The following ATP6V0E2 variants were observed in gnomAD, a reference collection of about 807,000 sequenced individuals.
The protein encoded by ATP6V0E2 is ATPase H+ transporting V0 subunit e2, also known as V-type proton ATPase subunit e 2.
Under a neutral mutation model 11.5 loss-of-function variants are expected in ATP6V0E2, and 4 were observed. That is an observed-to-expected ratio of 0.35 (90% confidence interval 0.17 to 0.80). ATP6V0E2 has a LOEUF of 0.80. ATP6V0E2 is among the 30% of genes least tolerant of loss of function. ATP6V0E2 has a pLI of 0.53. For synonymous variants in ATP6V0E2, 52 were observed against 51.0 expected, an observed-to-expected ratio of 1.02 and a Z score of -0.09; for missense variants, 93 against 113.5, an observed-to-expected ratio of 0.82 and a Z score of 0.82.
At chr7:149,879,123 A>G in intron 3 of ATP6V0E2, 2 of 1,398,404 alleles carry the variant, frequency 1.4e-6, no homozygotes, top group Non-Finnish European at 1.8e-6. Context: ...CAGGGATGAA[A>G]TGGGAACCAT....
Position 149,875,652 on chromosome 7 carries a change from A to G in ATP6V0E2, c.152+7A>G. ...CCGTCTGCTGTTACCTCTTGTAAGT[A>G]CTACTCTCCCCAGCTCAAAGTCAGC... On this transcript the variant is annotated splice_region_variant and intron_variant, in intron 2 of 3. Transcript: ENST00000425642. The G allele has an allele frequency of 1.3e-5, 21 of 1,613,190 alleles. No homozygotes were observed. Among genetic ancestry groups the G allele is most frequent in the Non-Finnish European group, 1.7e-5 (20 of 1,179,480 alleles).
In ATP6V0E2 at chr7:149,879,505, C is replaced by T. The variant is rs924318420; in HGVS notation, c.*190C>T. 13 of 1,590,684 alleles carry T rather than the reference C, an allele frequency of 8.2e-6. No individual in the cohort carries two copies. The highest frequency in any genetic ancestry group is 1.1e-5 in the South Asian group (1 of 87,136). On this transcript the variant is annotated 3_prime_UTR_variant, in exon 4 of 4. Transcript: ENST00000425642. ...AAGTCTTCCCAGTCTTCCCAGCCAG[C>T]CCGGGCCCTGGGGAGCCCTGGGCAC...
intron 2 of ATP6V0E2, chr7:149,875,906 A>G (rs1212921454): frequency 7.5e-6 from 5 of 666,180 alleles, no homozygotes; most frequent in Non-Finnish European, 1.4e-5. Context: ...TGGGCAAGGA[A>G]GGAGGCAGGC....
At chr7:149,878,842 T>G in intron 3 of ATP6V0E2, 52 bp downstream of exon 3, 1 of 965,952 alleles carries the variant, frequency 1.0e-6, no homozygotes. Context: ...GACAAGGCTT[T>G]CCCACACCCA....
intron 2 of ATP6V0E2, among the ~76,000 whole-genome samples, chr7:149,877,646 G>A (rs1397633358): frequency 6.7e-6 from 1 of 148,396 alleles, no homozygotes; most frequent in African/African-American, 2.5e-5. Context: ...GTCCTTCAGG[G>A]CTTGAGAAAA....
At chr7:149,875,995 C>A in intron 2 of ATP6V0E2, 1 of 511,976 alleles carries the variant, frequency 2.0e-6, no homozygotes, top group Non-Finnish European at 3.8e-6. Flanking sequence ...ACCCTACACC[C>A]ATGAAATTAC....
chr7:149,873,774 C>G, upstream of ATP6V0E2: 1 of 1,166,892 alleles, frequency 8.6e-7, no homozygotes, highest in Non-Finnish European at 1.1e-6. Flanking sequence ...GCGGGGCTGA[C>G]GCGGACCCTA....
chr7:149,874,304 C>A, intron 1 of ATP6V0E2, 135 bp downstream of exon 1: 1 of 1,176,586 alleles, frequency 8.5e-7, no homozygotes. Flanking sequence ...CCGGACGCCA[C>A]CTCTGAGGTC....
At chr7:149,873,914 A>T (rs1339829163), upstream of ATP6V0E2, 9 of 1,518,394 alleles carry the variant, frequency 5.9e-6, no homozygotes, top group Non-Finnish European at 7.9e-6. Flanking sequence ...GGGCTGGATC[A>T]GGAGATGCGC....
Position 149,879,769 on chromosome 7 carries a change from T to G in ATP6V0E2, c.*454T>G. 1.0e-6 allele frequency: 1 copy of G among 991,468 alleles called. No individual in the cohort carries two copies. Among genetic ancestry groups the G allele is most frequent in the Non-Finnish European group, 1.3e-6 (1 of 743,808 alleles). The allele number at this position is 991,468 out of a possible 1,614,324, so 61.4% of individuals were successfully genotyped here. On this transcript the variant is annotated 3_prime_UTR_variant, in exon 4 of 4. Transcript: ENST00000425642. ...GCTCTGCCACCATCCTGCTGGGAAC[T>G]GGGGGGGCCTCTATTGGGTTATAGG...
rs1394263613 is a variant in ATP6V0E2 at position 149,880,670 on chromosome 7, T to TATA, written c.*1360_*1362dup. The TATA allele has an allele frequency of 6.6e-6, 1 of 152,340 alleles. No individual in the cohort carries two copies. Among genetic ancestry groups the TATA allele is most frequent in the African/African-American group, 2.4e-5 (1 of 41,460 alleles). The allele number at this position is 152,340 out of a possible 1,614,324, so 9.4% of individuals were successfully genotyped here. A position where few individuals can be genotyped will look rare whatever the true frequency, so the allele number is the denominator to read the frequency against. On this transcript the variant is annotated 3_prime_UTR_variant, in exon 4 of 4. Coordinates refer to ENST00000425642, the MANE Select transcript of ATP6V0E2 (RefSeq NM_145230.4). The stretch of plus-strand genomic sequence containing the variant: ...ACTTGTGCTGAAAACCTGGTTCATA[T>TATA]ATAATAAATAATGGTGATGAAAAGA...
rs750391557 is a variant in ATP6V0E2, at chr7:149,879,776, G to A, written c.*461G>A. ...CACCATCCTGCTGGGAACTGGGGGG[G>A]CCTCTATTGGGTTATAGGCAAGGCC... is the stretch of plus-strand genomic sequence containing the variant. On this transcript the variant is annotated 3_prime_UTR_variant, in exon 4 of 4. Coordinates refer to ENST00000425642, the MANE Select transcript of ATP6V0E2 (RefSeq NM_145230.4). 2.8e-4 allele frequency: 258 copies of A among 916,936 alleles called. 1 individual carries two copies. The highest frequency in any genetic ancestry group is 3.3e-4 in the Non-Finnish European group (224 of 677,688). 56.8% of individuals were successfully genotyped at this position (916,936 alleles called of 1,614,324 possible).
At chr7:149,878,316 G>C (rs1055913608) in intron 2 of ATP6V0E2, among the ~76,000 whole-genome samples, 1 of 152,168 alleles carries the variant, frequency 6.6e-6, no homozygotes, top group Non-Finnish European at 1.5e-5. Flanking sequence ...TGCCCTGTTC[G>C]CTCCCTGGTG....
At chr7:149,873,796 CGAA>C, upstream of ATP6V0E2, 2 of 1,374,822 alleles carry the variant, frequency 1.5e-6, no homozygotes, top group Non-Finnish European at 1.9e-6. Flanking sequence ...AACCCATCGC[CGAA>C]ACCGGGCGGC....
At position 149,874,156 on chromosome 7, in the gene ATP6V0E2, G is replaced by C; in HGVS notation, c.91G>C (p.Gly31Arg). 1.3e-6 allele frequency: 2 copies of C among 1,549,078 alleles called. No homozygotes were observed. The highest frequency in any genetic ancestry group is 1.7e-6 in the Non-Finnish European group (2 of 1,146,092). Residue 31 changes from glycine (G) to arginine (R), a missense_variant, in exon 1 of 4, where the codon GGA becomes CGA. Transcript: ENST00000425642. ...GIAGPWFVPKGPNRGVIITML... is the reference protein window; with the variant it reads ...GIAGPWFVPKRPNRGVIITML... ...CGCCGGGCCCTGGTTCGTGCCGAAG[G>C]GACCCAACCGCGGGTAAGGAAAGCG...
At chr7:149,878,272 G>C (rs1803256941) in intron 2 of ATP6V0E2, among the ~76,000 whole-genome samples, 2 of 152,200 alleles carry the variant, frequency 1.3e-5, no homozygotes, top group Admixed American at 6.5e-5. Context: ...TCTCTCATAA[G>C]AGGAGGTGAT....
At chr7:149,874,209 G>A (rs1486775790) in intron 1 of ATP6V0E2, 40 bp downstream of exon 1, 1 of 1,512,478 alleles carries the variant, frequency 6.6e-7, no homozygotes, top group Non-Finnish European at 8.9e-7. Context: ...TCTCCACCCC[G>A]GCCCCCTGGC....
At position 149,873,979 on chromosome 7, in the gene ATP6V0E2, C is replaced by T; in HGVS notation, c.-87C>T. Reference sequence around the variant, plus strand: ...GGGTGCTCGACTCCTGTTGCGCATGCTCAGCGCGCTGCCCGGCTGGGGACC... The same window carrying T: ...GGGTGCTCGACTCCTGTTGCGCATGTTCAGCGCGCTGCCCGGCTGGGGACC... On this transcript the variant is annotated 5_prime_UTR_variant, in exon 1 of 4. Coordinates refer to ENST00000425642, the MANE Select transcript of ATP6V0E2 (RefSeq NM_145230.4). The T allele has an allele frequency of 6.5e-7, 1 of 1,544,936 alleles. No homozygotes were observed. The highest frequency in any genetic ancestry group is 8.7e-7 in the Non-Finnish European group (1 of 1,146,310).
chr7:149,875,853 T>TGCCCCCAGAGTTCTGGCCCC (rs1803103914), intron 2 of ATP6V0E2: 4 of 684,804 alleles, frequency 5.8e-6, no homozygotes, highest in Non-Finnish European at 1.1e-5. Context: ...GATCTGGCTC[T>TGCCCCCAGAGTTCTGGCCCC]GCCCCCAGAG....
Sources: gnomAD v4.1 joint callset for allele counts (sites outside exome capture counted in the v4.1 genomes callset) on GRCh38, gnomAD v4.1.1 for gene constraint, MANE v1.5 for transcripts, NCBI Gene and HGNC (gene_info 2026-07-23, HGNC 2026-07-21) for gene names.